Variants in PTCHD4 observed in about 807,000 individuals in gnomAD.
PTCHD4 encodes the protein patched domain-containing protein 4.
A neutral mutation model predicts 58.1 loss-of-function variants in PTCHD4; 33 were observed. That is an observed-to-expected ratio of 0.57 (90% CI 0.43 to 0.76). The LOEUF (loss-of-function observed/expected upper bound fraction) is 0.76. Ranked by LOEUF, PTCHD4 falls within the 30% of genes least tolerant of loss-of-function variation. The probability of loss-of-function intolerance (pLI) is 0.00; values close to 1 mark genes in which losing one functional copy is unlikely to be tolerated. For synonymous variants in PTCHD4, 478 were observed against 409.6 expected (o/e 1.17, Z -2.02); for missense variants, 1,058 against 1,027.1 (o/e 1.03, Z -0.41).
chr6:47,900,314 C>T (rs1764657776), intron 4 of PTCHD4: 1 of 152,198 alleles, frequency 6.6e-6, no homozygotes, highest in Non-Finnish European at 1.5e-5. Flanking sequence ...TGATTTTAGT[C>T]ATCCTAATGG....
intron 4 of PTCHD4, among the ~76,000 whole-genome samples, chr6:47,993,143 A>T (rs1280991611): frequency 6.6e-6 from 1 of 152,230 alleles, no homozygotes. Context: ...TATACGTCAA[A>T]CTACTTTTAG....
chr6:48,110,560 G>T (rs1352030212), intron 1 of PTCHD4, among the ~76,000 whole-genome samples: 1 of 151,330 alleles, frequency 6.6e-6, no homozygotes, highest in African/African-American at 2.4e-5. Context: ...CAAATGTATA[G>T]CATCAGAATC....
intron 4 of PTCHD4, among the ~76,000 whole-genome samples, chr6:47,983,385 C>T (rs1040963303): frequency 1.3e-4 from 19 of 151,934 alleles, no homozygotes; most frequent in Non-Finnish European, 1.9e-4. Context: ...ACAAGACAAA[C>T]GTTTAGTTCT....
chr6:47,867,565 C>A lies in PTCHD4; in HGVS notation c.*10738G>T, dbSNP rs1441186663. ...ATAATACCACTCACAATGGGCGCTT[C>A]CTTTTTATTCCCATCTGTAACAAGT... is the stretch of plus-strand genomic sequence containing the variant. On this transcript the variant is annotated 3_prime_UTR_variant, in exon 5 of 5. Coordinates refer to ENST00000339488, the MANE Select transcript of PTCHD4 (RefSeq NM_001384253.1). Among the ~76,000 whole-genome samples, 1 of 151,706 alleles carries A rather than the reference C, an allele frequency of 6.6e-6. No homozygotes were observed. Among genetic ancestry groups the A allele is most frequent in the Non-Finnish European group, 1.5e-5 (1 of 67,826 alleles).
chr6:47,890,609 G>A (rs1415538157), intron 4 of PTCHD4, among the ~76,000 whole-genome samples: 5 of 152,158 alleles, frequency 3.3e-5, no homozygotes, highest in Non-Finnish European at 7.3e-5. Flanking sequence ...CCAACTGCAG[G>A]ACGACTGTCA....
chr6:47,957,715 C>T (rs1452553832), intron 4 of PTCHD4, among the ~76,000 whole-genome samples: 3 of 151,656 alleles, frequency 2.0e-5, no homozygotes, highest in African/African-American at 7.3e-5. Flanking sequence ...ATTCTTCTGC[C>T]TCAGTATCTA....
intron 4 of PTCHD4, among the ~76,000 whole-genome samples, chr6:47,908,884 C>T (rs556062556): frequency 4.6e-5 from 7 of 151,926 alleles, no homozygotes; most frequent in Admixed American, 2.0e-4. Context: ...ACTAATGATC[C>T]GTTTGAAAAG....
intron 1 of PTCHD4, among the ~76,000 whole-genome samples, chr6:48,109,937 GA>G (rs1424086642): frequency 3.3e-5 from 5 of 151,680 alleles, no homozygotes; most frequent in South Asian, 2.1e-4. Context: ...TAAAAAGAGA[GA>G]AAAAAAACAA....
chr6:47,985,657 A>T (rs1768038741), intron 4 of PTCHD4, among the ~76,000 whole-genome samples: 1 of 152,064 alleles, frequency 6.6e-6, no homozygotes, highest in Admixed American at 6.5e-5. Flanking sequence ...ATCCATATTC[A>T]GATAATTTTT....
At chr6:48,009,371 G>A (rs188260046) in intron 3 of PTCHD4, among the ~76,000 whole-genome samples, 11 of 152,236 alleles carry the variant, frequency 7.2e-5, no homozygotes, top group Non-Finnish European at 1.2e-4. Flanking sequence ...ATAGAGAAAC[G>A]TAGATAAATA....
chr6:47,962,261 A>G (rs1247565543), intron 4 of PTCHD4, among the ~76,000 whole-genome samples: 1 of 152,192 alleles, frequency 6.6e-6, no homozygotes, highest in Non-Finnish European at 1.5e-5. Context: ...TGGCCTTTGC[A>G]GATTAAGGGG....
chr6:47,888,214 G>A lies in PTCHD4; in HGVS notation c.899-8278C>T, dbSNP rs977483014. 5.3e-5 allele frequency among the ~76,000 whole-genome samples: 8 copies of A among 151,880 alleles called. No homozygotes were observed. In the East Asian group the frequency reaches 7.8e-4, roughly 15 times the overall value. ...CTACTAAAAATACAAAAAATTAGCC[G>A]GGTGTGGTGGTGGGCGCCTATAGTC... On this transcript the variant is annotated intron_variant, in intron 4 of 4. Coordinates refer to ENST00000339488, the MANE Select transcript of PTCHD4 (RefSeq NM_001384253.1).
rs186257516 is a variant in PTCHD4 at position 48,018,019 on chromosome 6, A to G, written c.418-8905T>C. ...AGAAGATTGAATGTGTGGATATATG[A>G]TAAGTATTTAGAATAGTGCTCAGAA... On this transcript the variant is annotated intron_variant, in intron 3 of 4. Coordinates refer to ENST00000339488, the MANE Select transcript of PTCHD4 (RefSeq NM_001384253.1). Among the ~76,000 whole-genome samples, 6 of 152,320 alleles carry G rather than the reference A, an allele frequency of 3.9e-5. No individual in the cohort carries two copies. In the East Asian group the frequency reaches 1.2e-3, roughly 29 times the overall value.
chr6:48,106,536 T>C (rs1050581551), intron 1 of PTCHD4, among the ~76,000 whole-genome samples: 2 of 152,146 alleles, frequency 1.3e-5, no homozygotes, highest in Non-Finnish European at 2.9e-5. Flanking sequence ...CTTTGAAAAC[T>C]GGCACAAGAC....
intron 4 of PTCHD4, among the ~76,000 whole-genome samples, chr6:47,956,394 ACAGGG>A (rs1280919282): frequency 3.9e-5 from 6 of 152,124 alleles, no homozygotes; most frequent in Admixed American, 3.9e-4. Flanking sequence ...CTAGACAATG[ACAGGG>A]CAAGTATTTG....
Position 47,864,797 on chromosome 6 carries a change from AG to A in PTCHD4, c.*13505del, listed in dbSNP as rs1243905958. On this transcript the variant is annotated 3_prime_UTR_variant, in exon 5 of 5. Transcript: ENST00000339488. ...GACAGGACAATTATACCATAGGAAA[AG>A]TTTTGAATTAGAGACAGGCCATCCA... Among the ~76,000 whole-genome samples the A allele has an allele frequency of 6.6e-6, 1 of 151,962 alleles. No individual in the cohort carries two copies. The highest frequency in any genetic ancestry group is 1.5e-5 in the Non-Finnish European group (1 of 67,930).
At chr6:48,104,056 A>G (rs974045817) in intron 1 of PTCHD4, among the ~76,000 whole-genome samples, 1 of 152,236 alleles carries the variant, frequency 6.6e-6, no homozygotes, top group Non-Finnish European at 1.5e-5. Flanking sequence ...AACTTCCCCA[A>G]TCTAGCAAGG....
rs759413743 is a variant in PTCHD4, at chr6:47,859,088, C to T, written c.*19215G>A. ...AGCATCAGATAATATATTTTATTCA[C>T]GCTTATGTCAGGGTAACTTTGTGTA... On this transcript the variant is annotated 3_prime_UTR_variant, in exon 5 of 5. Transcript: ENST00000339488. Among the ~76,000 whole-genome samples the T allele has an allele frequency of 2.4e-4, 37 of 151,936 alleles. No individual in the cohort carries two copies. The highest frequency in any genetic ancestry group is 4.7e-4 in the Non-Finnish European group (32 of 67,948).
At position 47,970,960 on chromosome 6, in the gene PTCHD4, C is replaced by A. The variant is rs1767484263; in HGVS notation, c.898+37674G>T. On this transcript the variant is annotated intron_variant, in intron 4 of 4. Transcript: ENST00000339488. ...AATATCAAACTCAAGATTTGAGAAC[C>A]ACTGCTCTAGAAAAACTGATTGGCC... Among the ~76,000 whole-genome samples, 2 of 152,096 alleles carry A rather than the reference C, an allele frequency of 1.3e-5. 1 individual carries two copies. Among genetic ancestry groups the A allele is most frequent in the Admixed American group, 1.3e-4 (2 of 15,260 alleles).
Sources: allele counts gnomAD v4.1 joint callset (sites outside exome capture counted in the v4.1 genomes callset), GRCh38; gene constraint gnomAD v4.1.1; transcripts MANE v1.5; gene names NCBI Gene and HGNC (gene_info 2026-07-23, HGNC 2026-07-21).